Variants in SBNO1 observed in about 807,000 individuals in gnomAD.
SBNO1 encodes strawberry notch homolog 1.
Under a neutral mutation model 173.6 loss-of-function variants are expected in SBNO1, and 23 were observed. The observed-to-expected ratio is 0.13, with a 90% CI of 0.10 to 0.19. SBNO1 has a LOEUF of 0.19. SBNO1 is among the 10% of genes least tolerant of loss of function. The probability of loss-of-function intolerance (pLI) is 1.00; values close to 1 mark genes in which losing one functional copy is unlikely to be tolerated. For synonymous variants in SBNO1, 632 were observed against 571.5 expected (o/e 1.11, Z -1.51); for missense variants, 1,238 against 1,671.2 (o/e 0.74, Z 4.52).
intron 6 of SBNO1, 34 bp from the exon 7 acceptor site, chr12:123,334,247 T>C (rs767164832): frequency 3.7e-5 from 45 of 1,220,202 alleles, no homozygotes; most frequent in Non-Finnish European, 4.6e-5. Flanking sequence ...TTATTTTAAT[T>C]ATTCTAAGTA....
At chr12:123,311,737 T>C (rs1242822214) in intron 24 of SBNO1, among the ~76,000 whole-genome samples, 1 of 136,960 alleles carries the variant, frequency 7.3e-6, no homozygotes, top group African/African-American at 2.6e-5. Flanking sequence ...TATATATATA[T>C]ATATATATAT....
chr12:123,325,353 GT>G, intron 15 of SBNO1, 148 bp downstream of exon 15: 1 of 609,206 alleles, frequency 1.6e-6, no homozygotes, highest in South Asian at 2.0e-5. Context: ...TAGATACACT[GT>G]TACAGAAAAG....
intron 24 of SBNO1, among the ~76,000 whole-genome samples, chr12:123,311,716 C>CTATT (rs1168115569): frequency 3.3e-5 from 2 of 60,940 alleles, no homozygotes; most frequent in African/African-American, 1.1e-4. Context: ...ATCTATCTAT[C>CTATT]TATCTATATA....
chr12:123,301,814 G>T (rs1195909475), intron 30 of SBNO1, among the ~76,000 whole-genome samples: 1 of 152,182 alleles, frequency 6.6e-6, no homozygotes, highest in Non-Finnish European at 1.5e-5. Flanking sequence ...AGGAGTTTGA[G>T]GCTGCAGTGA....
chr12:123,316,942 T>C (rs1869358103), intron 21 of SBNO1, among the ~76,000 whole-genome samples: 1 of 151,912 alleles, frequency 6.6e-6, no homozygotes, highest in Admixed American at 6.6e-5. Flanking sequence ...CCTCAAGTGA[T>C]GCACCCACCT....
intron 1 of SBNO1, among the ~76,000 whole-genome samples, chr12:123,352,983 A>T (rs1413829652): frequency 6.6e-6 from 1 of 152,100 alleles, no homozygotes; most frequent in Non-Finnish European, 1.5e-5. Flanking sequence ...ATTTTAGTAG[A>T]GATGGGGTTT....
At chr12:123,314,829 T>C (rs192816308) in intron 23 of SBNO1, among the ~76,000 whole-genome samples, 62 of 152,234 alleles carry the variant, frequency 4.1e-4, no homozygotes, top group South Asian at 2.5e-3. Context: ...ATTCCTGACC[T>C]CAGGTGACCC....
chr12:123,353,070 T>G (rs1040554041), intron 1 of SBNO1, among the ~76,000 whole-genome samples: 3 of 152,118 alleles, frequency 2.0e-5, no homozygotes, highest in Non-Finnish European at 4.4e-5. Flanking sequence ...AGTGCTAGGA[T>G]TAGAGGCGTG....
intron 3 of SBNO1, among the ~76,000 whole-genome samples, chr12:123,347,527 C>A (rs1157907745): frequency 1.4e-5 from 2 of 143,742 alleles, no homozygotes; most frequent in South Asian, 2.2e-4. Flanking sequence ...TGCCTGGCCT[C>A]TTTTTTTATG....
chr12:123,299,101 G>C (rs1310718189), intron 30 of SBNO1, among the ~76,000 whole-genome samples: 4 of 152,196 alleles, frequency 2.6e-5, no homozygotes, highest in Non-Finnish European at 5.9e-5. Flanking sequence ...GGGTGCGGTG[G>C]CTCACGCCTG....
intron 1 of SBNO1, among the ~76,000 whole-genome samples, chr12:123,362,211 C>T (rs1488636937): frequency 6.6e-6 from 1 of 150,906 alleles, no homozygotes; most frequent in Non-Finnish European, 1.5e-5. Context: ...CCGAGGCAAG[C>T]GGATCACGAG....
rs955890189 is a variant in SBNO1 at position 123,293,077 on chromosome 12, C to G, written c.*2831G>C. 5 of 152,132 alleles carry G rather than the reference C, an allele frequency of 3.3e-5. No individual in the cohort carries two copies. The highest frequency in any genetic ancestry group is 1.2e-4 in the African/African-American group (5 of 41,426). The allele number at this position is 152,132 out of a possible 1,614,324, so 9.4% of individuals were successfully genotyped here. On this transcript the variant is annotated 3_prime_UTR_variant, in exon 32 of 32. Coordinates refer to ENST00000602398, the MANE Select transcript of SBNO1 (RefSeq NM_001167856.3). The stretch of plus-strand genomic sequence containing the variant: ...TGAAAACACGAACATGATTTCCAAC[C>G]AAATCTTTGTGCTCAGAGCCATATT...
At chr12:123,317,397 G>T in intron 20 of SBNO1, 41 bp from the exon 21 acceptor site, 1 of 1,599,636 alleles carries the variant, frequency 6.3e-7, no homozygotes, top group Non-Finnish European at 8.6e-7. Context: ...TTTTGCATAA[G>T]AACAAGCAGG....
rs1464303471 is a variant in SBNO1, at chr12:123,350,176, C to T, written c.132+134G>A. The T allele has an allele frequency of 4.1e-6, 4 of 964,034 alleles. No homozygotes were observed. The Admixed American group carries it at 9.6e-5, about 23-fold the overall frequency. 59.7% of individuals were successfully genotyped at this position (964,034 alleles called of 1,614,324 possible). A position where few individuals can be genotyped will look rare whatever the true frequency, so the allele number is the denominator to read the frequency against. On this transcript the variant is annotated intron_variant, in intron 2 of 31. Coordinates refer to ENST00000602398, the MANE Select transcript of SBNO1 (RefSeq NM_001167856.3). ...GGCTGAGGCAGAAGGATGGTTTGAG[C>T]CTGGGAGGTTGAGGCTTCAGTAAGC...
chr12:123,360,553 TCCTG>T (rs1362247497), intron 1 of SBNO1, among the ~76,000 whole-genome samples: 1 of 151,882 alleles, frequency 6.6e-6, no homozygotes, highest in Non-Finnish European at 1.5e-5. Flanking sequence ...CAAGCGATTC[TCCTG>T]CCTAAGCCTC....
intron 7 of SBNO1, among the ~76,000 whole-genome samples, chr12:123,332,265 G>A (rs1871307447): frequency 6.6e-6 from 1 of 152,128 alleles, no homozygotes; most frequent in South Asian, 2.1e-4. Context: ...ATCAACACCT[G>A]CAGAATCAAA....
In SBNO1 at chr12:123,327,735, T is replaced by C. The variant is rs1870763488; in HGVS notation, c.1510A>G (p.Ser504Gly). The change falls in exon 12 of 32, where the codon AGT becomes GGT. Residue 504 changes from serine (S) to glycine (G), a missense_variant. Transcript: ENST00000602398. Reference protein sequence around the residue: ...WGEGTPFREFSDFIQAVERRG... With the variant: ...WGEGTPFREFGDFIQAVERRG... Reference sequence around the variant, plus strand: ...CGTTCTACTGCTTGAATAAAATCACTGAATTCTCTAAATGGAGTACCCTCA... The same window carrying C: ...CGTTCTACTGCTTGAATAAAATCACCGAATTCTCTAAATGGAGTACCCTCA... 2 of 1,613,732 alleles carry C rather than the reference T, an allele frequency of 1.2e-6. No individual in the cohort carries two copies. Among genetic ancestry groups the C allele is most frequent in the Non-Finnish European group, 8.5e-7 (1 of 1,179,768 alleles).
chr12:123,356,035 A>C (rs1330054454), intron 1 of SBNO1, among the ~76,000 whole-genome samples: 1 of 152,144 alleles, frequency 6.6e-6, no homozygotes, highest in African/African-American at 2.4e-5. Context: ...ACCTAAAACC[A>C]ATCTCTACAG....
chr12:123,327,848 A>C, intron 11 of SBNO1, 36 bp from the exon 12 acceptor site: 1 of 1,598,266 alleles, frequency 6.3e-7, no homozygotes, highest in Non-Finnish European at 8.6e-7. Flanking sequence ...TTATAGTTGA[A>C]AAAATAACCT....
Sources: allele counts gnomAD v4.1 joint callset (sites outside exome capture counted in the v4.1 genomes callset), GRCh38; gene constraint gnomAD v4.1.1; transcripts MANE v1.5; gene names NCBI Gene and HGNC (gene_info 2026-07-23, HGNC 2026-07-21).